Variants in PCBP3 observed in about 807,000 individuals in gnomAD.
PCBP3 encodes the protein poly(rC)-binding protein 3.
In PCBP3, 25 loss-of-function variants were observed where a neutral mutation model predicts 52.7. The observed-to-expected ratio is 0.47, with a 90% CI of 0.35 to 0.66. PCBP3 has a LOEUF of 0.66. Among genes scored for constraint, PCBP3 ranks in the 30% least tolerant of loss-of-function variants. The probability of loss-of-function intolerance (pLI) is 0.01; values close to 1 mark genes in which losing one functional copy is unlikely to be tolerated. For synonymous variants in PCBP3, 162 were observed against 183.0 expected (o/e 0.89, Z 0.93); for missense variants, 391 against 490.3 (o/e 0.80, Z 1.91).
intron 5 of PCBP3, among the ~76,000 whole-genome samples, chr21:45,886,768 C>G (rs1430060973): frequency 6.6e-6 from 1 of 152,152 alleles, no homozygotes; most frequent in Admixed American, 6.5e-5. Context: ...CATTACTGAC[C>G]CCGCATTGCC....
At chr21:45,689,572 G>A (rs929469847) in intron 2 of PCBP3, among the ~76,000 whole-genome samples, 7 of 151,978 alleles carry the variant, frequency 4.6e-5, no homozygotes, top group African/African-American at 1.7e-4. Context: ...TATACTGGAA[G>A]TCCTAGACAA....
At position 45,909,365 on chromosome 21, in the gene PCBP3, A is replaced by G. The variant is rs767074710; in HGVS notation, c.350A>G (p.Asn117Ser). 22 of 1,612,128 alleles carry G rather than the reference A, an allele frequency of 1.4e-5. No individual in the cohort carries two copies. The highest frequency in any genetic ancestry group is 6.6e-5 in the South Asian group (6 of 91,030). The change falls in exon 10 of 18, where the codon AAC (asparagine) becomes AGC (serine). Residue 117 changes from asparagine to serine, a missense_variant. By Grantham distance (46) the Asn-to-Ser change is conservative. Transcript: ENST00000681687. ...GTGTCTCTCCCCTAGGATATCATCAACTCCATGAGCAACAGCCCTGCCACC... is the reference window on the plus strand; with the variant it reads ...GTGTCTCTCCCCTAGGATATCATCAGCTCCATGAGCAACAGCCCTGCCACC... ...IAYKFEEDII[N>S]SMSNSPATSK...
At chr21:45,812,460 C>T (rs2092709750) in intron 4 of PCBP3, among the ~76,000 whole-genome samples, 1 of 152,210 alleles carries the variant, frequency 6.6e-6, no homozygotes. Flanking sequence ...GGCTGGAGTG[C>T]AGTGGTGCCA....
At chr21:45,908,353 C>T (rs535827758) in intron 9 of PCBP3, among the ~76,000 whole-genome samples, 1 of 152,322 alleles carries the variant, frequency 6.6e-6, no homozygotes, top group African/African-American at 2.4e-5. Context: ...TCCCCAGCCT[C>T]ACCAGAAAGA....
chr21:45,802,170 C>T lies in PCBP3; in HGVS notation c.-126+46718C>T, dbSNP rs1230527775. 6.6e-6 allele frequency among the ~76,000 whole-genome samples: 1 copy of T among 152,226 alleles called. No individual in the cohort carries two copies. The highest frequency in any genetic ancestry group is 1.5e-5 in the Non-Finnish European group (1 of 68,048). The stretch of plus-strand genomic sequence containing the variant: ...CTTGGCCCAGTGCAAGCTCTTTCTG[C>T]CCACATTCTCCTGGTAGCGGCTCTG... On this transcript the variant is annotated intron_variant, in intron 4 of 17. Transcript: ENST00000681687. This position sits in a 1 kb window ranked among gnomAD's most constrained non-coding sequence, Gnocchi z 5.1.
At chr21:45,722,482 T>TTAA (rs1168429650) in intron 2 of PCBP3, among the ~76,000 whole-genome samples, 1 of 152,202 alleles carries the variant, frequency 6.6e-6, no homozygotes, top group Non-Finnish European at 1.5e-5. Flanking sequence ...ATTATGTGAA[T>TTAA]ATTAACCTGA....
At chr21:45,684,667 T>C (rs1401974427) in intron 2 of PCBP3, among the ~76,000 whole-genome samples, 2 of 152,200 alleles carry the variant, frequency 1.3e-5, no homozygotes, top group African/African-American at 4.8e-5. Context: ...AAAAGCTTCC[T>C]GAGGCCTCAG....
At chr21:45,747,312 G>A (rs1007113566) in intron 3 of PCBP3, among the ~76,000 whole-genome samples, 6 of 152,204 alleles carry the variant, frequency 3.9e-5, no homozygotes, top group Non-Finnish European at 8.8e-5. Flanking sequence ...ACGACACGTG[G>A]GGATTATGGG....
At chr21:45,801,760 A>C (rs556553341) in intron 4 of PCBP3, among the ~76,000 whole-genome samples, 6 of 152,354 alleles carry the variant, frequency 3.9e-5, no homozygotes, top group African/African-American at 1.4e-4. Context: ...AGATCCTGTC[A>C]CTGCATTTGC....
At chr21:45,679,812 T>G (rs1319520679) in intron 2 of PCBP3, among the ~76,000 whole-genome samples, 1 of 152,252 alleles carries the variant, frequency 6.6e-6, no homozygotes, top group Admixed American at 6.5e-5. Flanking sequence ...CTATTCTGTC[T>G]AAGTTTTATA....
intron 17 of PCBP3, 23 bp from the exon 18 acceptor site, chr21:45,941,647 T>C: frequency 6.2e-7 from 1 of 1,603,304 alleles, no homozygotes; most frequent in Non-Finnish European, 8.5e-7. Context: ...CGTCTCTCCC[T>C]CTCCTGCCTT....
chr21:45,890,736 T>C lies in PCBP3; in HGVS notation c.11-5472T>C, dbSNP rs375370223. On this transcript the variant is annotated intron_variant, in intron 5 of 17. Coordinates refer to ENST00000681687, the MANE Select transcript of PCBP3 (RefSeq NM_001384156.1). ...ACTCTGTGCACTGCTGAGGGGAAGG[T>C]AGATAATAGAACCTGGAACTCTGTG... Among the ~76,000 whole-genome samples the C allele has an allele frequency of 1.3e-4, 19 of 150,770 alleles. No individual in the cohort carries two copies. In the East Asian group the frequency reaches 2.2e-3, roughly 17 times the overall value.
At position 45,735,223 on chromosome 21, in the gene PCBP3, G is replaced by A. The variant is rs1194387687; in HGVS notation, c.-199-169G>A. Among the ~76,000 whole-genome samples the A allele has an allele frequency of 2.0e-5, 3 of 152,102 alleles. No homozygotes were observed. In the East Asian group the frequency reaches 5.8e-4, roughly 29 times the overall value. On this transcript the variant is annotated intron_variant, in intron 2 of 17. Coordinates refer to ENST00000681687, the MANE Select transcript of PCBP3 (RefSeq NM_001384156.1). The surrounding 1 kb of genome is among the most constrained non-coding windows in gnomAD (Gnocchi z 4.0). Reference sequence around the variant, plus strand: ...CACTTTTTATGGAATTCTTTCTCTGGGAAACTGTCTTTGACCTTCCCAATA... The same window carrying A: ...CACTTTTTATGGAATTCTTTCTCTGAGAAACTGTCTTTGACCTTCCCAATA...
intron 11 of PCBP3, among the ~76,000 whole-genome samples, chr21:45,912,823 C>T (rs963525202): frequency 6.6e-6 from 1 of 152,170 alleles, no homozygotes; most frequent in South Asian, 2.1e-4. Flanking sequence ...CCTCCCACCC[C>T]AGGCCCAGCT....
At position 45,789,878 on chromosome 21, in the gene PCBP3, G is replaced by A. The variant is rs8127645; in HGVS notation, c.-126+34426G>A. Among the ~76,000 whole-genome samples, 80 of 152,158 alleles carry A rather than the reference G, an allele frequency of 5.3e-4. 1 individual carries two copies. Among genetic ancestry groups the A allele is most frequent in the African/African-American group, 1.6e-3 (68 of 41,442 alleles). On this transcript the variant is annotated intron_variant, in intron 4 of 17. Coordinates refer to ENST00000681687, the MANE Select transcript of PCBP3 (RefSeq NM_001384156.1). ...CTCTCGGCCGGGCGCAGTGGCTCACGCCTGTAATCCCACCACTTTGGGAGG... is the reference window on the plus strand; with the variant it reads ...CTCTCGGCCGGGCGCAGTGGCTCACACCTGTAATCCCACCACTTTGGGAGG...
At chr21:45,711,187 GT>G (rs2083807913) in intron 2 of PCBP3, among the ~76,000 whole-genome samples, 1 of 152,156 alleles carries the variant, frequency 6.6e-6, no homozygotes, top group Non-Finnish European at 1.5e-5. Flanking sequence ...TGCTCTGGGA[GT>G]TTTGTTGCTT....
chr21:45,926,302 C>T (rs143958291), intron 13 of PCBP3, among the ~76,000 whole-genome samples: 2 of 152,344 alleles, frequency 1.3e-5, no homozygotes, highest in East Asian at 3.9e-4. Flanking sequence ...CCATCTAGCA[C>T]CTGCCGTTAA....
At chr21:45,675,235 A>G (rs2081393363) in intron 2 of PCBP3, among the ~76,000 whole-genome samples, 1 of 152,198 alleles carries the variant, frequency 6.6e-6, no homozygotes, top group Admixed American at 6.5e-5. Flanking sequence ...CAGTGAGCAC[A>G]CATGATGGGG....
At chr21:45,900,188 C>T (rs537064751) in intron 7 of PCBP3, among the ~76,000 whole-genome samples, 2 of 152,346 alleles carry the variant, frequency 1.3e-5, no homozygotes, top group South Asian at 4.1e-4. Flanking sequence ...GGCTTCCTCC[C>T]AAACGCTTGA....
Sources: gnomAD v4.1 joint callset for allele counts (sites outside exome capture counted in the v4.1 genomes callset) on GRCh38, gnomAD v4.1.1 for gene constraint, Gnocchi (gnomAD v3.1) non-coding constraint, MANE v1.5 for transcripts, NCBI Gene and HGNC (gene_info 2026-07-23, HGNC 2026-07-21) for gene names.